MMP20: variants seen among roughly 807,000 people sequenced by gnomAD.
MMP20 encodes the protein matrix metalloproteinase-20.
In MMP20, 50 loss-of-function variants were observed where a neutral mutation model predicts 51.8. The observed-to-expected ratio is 0.97, with a 90% CI of 0.77 to 1.22. The LOEUF (loss-of-function observed/expected upper bound fraction) is 1.22. Ranked by LOEUF, MMP20 falls within the 50% of genes most tolerant of loss-of-function variation. The pLI, the probability that MMP20 is intolerant of heterozygous loss-of-function variation, is 0.00. For missense variants in MMP20, 663 were observed against 601.4 expected, an observed-to-expected ratio of 1.10 and a Z score of -1.07; for synonymous variants, 244 against 216.2, an observed-to-expected ratio of 1.13 and a Z score of -1.13.
chr11:102,582,982 C>A (rs1482133237), intron 8 of MMP20, among the ~76,000 whole-genome samples: 1 of 152,148 alleles, frequency 6.6e-6, no homozygotes, highest in South Asian at 2.1e-4. Context: ...ATGATGAATT[C>A]CAAACTTATC....
Position 102,593,544 on chromosome 11 carries a change from G to T in MMP20, c.1142C>A (p.Thr381Asn), listed in dbSNP as rs756904716. The T allele has an allele frequency of 2.2e-5, 36 of 1,614,004 alleles. No homozygotes were observed. The Middle Eastern group carries it at 4.9e-4, about 22-fold the overall frequency. The part of the protein sequence containing the change: ...RGFQMQGPPR[T>N]IYDFGFPRHV... Reference sequence around the variant, plus strand: ...CCTTGGAAATCCAAAGTCATAAATAGTCCGAGGAGGACCTTGCATTTGGAA... The same window carrying T: ...CCTTGGAAATCCAAAGTCATAAATATTCCGAGGAGGACCTTGCATTTGGAA... Residue 381 changes from threonine to asparagine, a missense_variant, in exon 8 of 10, where the codon ACT becomes AAT. By Grantham distance (65) the Thr-to-Asn change is moderately conservative. Coordinates refer to ENST00000260228, the MANE Select transcript of MMP20 (RefSeq NM_004771.4).
intron 2 of MMP20, among the ~76,000 whole-genome samples, chr11:102,612,304 A>C (rs778586264): frequency 2.6e-5 from 4 of 152,144 alleles, no homozygotes; most frequent in African/African-American, 9.7e-5. Context: ...ATCTCTACTA[A>C]AAATACAAAA....
At chr11:102,608,789 G>T in intron 5 of MMP20, 148 bp downstream of exon 5, 1 of 833,578 alleles carries the variant, frequency 1.2e-6, no homozygotes. Flanking sequence ...TTTATAACTA[G>T]CAAATCAGCT....
chr11:102,585,312 T>G (rs1366334681), intron 8 of MMP20, among the ~76,000 whole-genome samples: 1 of 152,168 alleles, frequency 6.6e-6, no homozygotes, highest in Non-Finnish European at 1.5e-5. Flanking sequence ...CAAAACAACA[T>G]TTTCCATTTC....
rs1355991477 is a variant in MMP20 at position 102,601,289 on chromosome 11, C to T, written c.953+5246G>A. ...CTGGGACTACAGGCGCCCGCCACTA[C>T]GCCCGGCTAATTTTTTGTATTTTTA... On this transcript the variant is annotated intron_variant, in intron 6 of 9. Transcript: ENST00000260228. Among the ~76,000 whole-genome samples the T allele has an allele frequency of 3.5e-5, 3 of 85,452 alleles. 1 individual carries two copies. Among genetic ancestry groups the T allele is most frequent in the Admixed American group, 1.2e-4 (1 of 8,576 alleles). The allele number at this position is 85,452 out of a possible 152,430, so 56.1% of individuals were successfully genotyped here.
intron 2 of MMP20, among the ~76,000 whole-genome samples, chr11:102,615,173 A>G (rs1286874387): frequency 6.8e-6 from 1 of 146,630 alleles, no homozygotes; most frequent in Non-Finnish European, 1.5e-5. Flanking sequence ...ATTATTATAA[A>G]ATAATGTTTT....
intron 8 of MMP20, among the ~76,000 whole-genome samples, chr11:102,592,477 TG>T (rs1157203619): frequency 6.6e-6 from 1 of 152,188 alleles, no homozygotes; most frequent in East Asian, 1.9e-4. Flanking sequence ...AACTCCAAAT[TG>T]GGGAAGAAAA....
chr11:102,613,678 G>A (rs1017471379), intron 2 of MMP20, among the ~76,000 whole-genome samples: 5 of 152,174 alleles, frequency 3.3e-5, no homozygotes, highest in Non-Finnish European at 7.3e-5. Flanking sequence ...AGAAAGGATA[G>A]CAAATAGCTC....
intron 8 of MMP20, among the ~76,000 whole-genome samples, chr11:102,588,548 A>G (rs912979049): frequency 6.6e-6 from 1 of 152,180 alleles, no homozygotes; most frequent in Non-Finnish European, 1.5e-5. Flanking sequence ...TCTACATGTC[A>G]TAGCCTTAAC....
At chr11:102,577,735 T>G (rs1331881144) in intron 9 of MMP20, among the ~76,000 whole-genome samples, 1 of 152,242 alleles carries the variant, frequency 6.6e-6, no homozygotes, top group African/African-American at 2.4e-5. Flanking sequence ...TCCCCTTTTC[T>G]TTCCCTAGTT....
intron 5 of MMP20, chr11:102,607,490 A>T (rs1859533146): frequency 6.6e-6 from 1 of 152,656 alleles, no homozygotes; most frequent in East Asian, 1.9e-4. Flanking sequence ...AGGGAAGGGA[A>T]AGGTTCAGGC....
intron 6 of MMP20, among the ~76,000 whole-genome samples, chr11:102,602,002 T>C (rs1859452131): frequency 6.7e-6 from 1 of 148,622 alleles, no homozygotes. Context: ...CAGGCTGGAG[T>C]GCAGTGGCGC....
rs557767848 is a variant in MMP20, at chr11:102,610,189, A to G, written c.524-159T>C. 3.3e-5 allele frequency among the ~76,000 whole-genome samples: 5 copies of G among 152,340 alleles called. No individual in the cohort carries two copies. In the South Asian group the frequency reaches 8.3e-4, roughly 25 times the overall value. ...ATGGGAAGTTCATTTGTCAATGAGT[A>G]ACAGCCCATTGAAAAATAAAAAAGG... On this transcript the variant is annotated intron_variant, in intron 3 of 9. Transcript: ENST00000260228.
chr11:102,616,428 A>C (rs1208569285), intron 2 of MMP20, among the ~76,000 whole-genome samples: 2 of 152,222 alleles, frequency 1.3e-5, no homozygotes, highest in Non-Finnish European at 2.9e-5. Context: ...ATCATCAATA[A>C]AAGATTTTTG....
At chr11:102,579,337 T>G (rs1402681942) in intron 8 of MMP20, among the ~76,000 whole-genome samples, 195 bp from the exon 9 acceptor site, 1 of 151,788 alleles carries the variant, frequency 6.6e-6, no homozygotes, top group African/African-American at 2.4e-5. Context: ...TTTTTTGAGA[T>G]GGGGTCTCAC....
Position 102,612,868 on chromosome 11 carries a change from C to A in MMP20, c.375-965G>T, listed in dbSNP as rs913095093. 2.6e-5 allele frequency among the ~76,000 whole-genome samples: 4 copies of A among 151,708 alleles called. No individual in the cohort carries two copies. The East Asian group carries it at 7.8e-4, about 30-fold the overall frequency. On this transcript the variant is annotated intron_variant, in intron 2 of 9. Transcript: ENST00000260228. ...TCTCCTGCCTCAGCCTCCTGAGTAGCTGGGATTATAGGTGCCCGCCACCAC... is the reference window on the plus strand; with the variant it reads ...TCTCCTGCCTCAGCCTCCTGAGTAGATGGGATTATAGGTGCCCGCCACCAC...
chr11:102,613,791 T>G (rs960282797), intron 2 of MMP20, among the ~76,000 whole-genome samples: 1 of 152,160 alleles, frequency 6.6e-6, no homozygotes, highest in Non-Finnish European at 1.5e-5. Flanking sequence ...GACAGACCCT[T>G]AAAGGGACTA....
intron 8 of MMP20, among the ~76,000 whole-genome samples, chr11:102,584,531 A>G (rs1049882197): frequency 6.6e-6 from 1 of 152,160 alleles, no homozygotes; most frequent in African/African-American, 2.4e-5. Flanking sequence ...CAAGTTCTTT[A>G]TCAGATATAT....
chr11:102,599,257 T>A (rs1859418616), intron 6 of MMP20, among the ~76,000 whole-genome samples: 1 of 152,156 alleles, frequency 6.6e-6, no homozygotes, highest in African/African-American at 2.4e-5. Context: ...TGACCTCAAG[T>A]GATCTGCCTG....
Sources: allele counts gnomAD v4.1 joint callset (sites outside exome capture counted in the v4.1 genomes callset), GRCh38; gene constraint gnomAD v4.1.1; transcripts MANE v1.5; gene names NCBI Gene and HGNC (gene_info 2026-07-23, HGNC 2026-07-21).